The following UXS1 variants were observed in gnomAD, a reference collection of about 807,000 sequenced individuals.
UXS1 encodes the protein UDP-glucuronate decarboxylase 1.
In UXS1, 33 loss-of-function variants were observed where a neutral mutation model predicts 62.6. The ratio of observed to expected loss-of-function variants is 0.53; its 90% CI spans 0.40 to 0.70. The LOEUF is 0.70. Among genes scored for constraint, UXS1 ranks in the 30% least tolerant of loss-of-function variants. The pLI, the probability that UXS1 is intolerant of heterozygous loss-of-function variation, is 0.00. For synonymous variants in UXS1, 213 were observed against 206.8 expected (o/e 1.03, Z -0.26); for missense variants, 434 against 556.3 (o/e 0.78, Z 2.21).
At chr2:106,178,506 A>G (rs1684034302) in intron 1 of UXS1, among the ~76,000 whole-genome samples, 1 of 97,792 alleles carries the variant, frequency 1.0e-5, no homozygotes, top group South Asian at 4.7e-4. Context: ...ATGTGTATGT[A>G]TACATATACA....
chr2:106,180,699 G>A (rs1684187323), intron 1 of UXS1, among the ~76,000 whole-genome samples: 2 of 152,176 alleles, frequency 1.3e-5, no homozygotes, highest in African/African-American at 4.8e-5. Context: ...TGAAATACCA[G>A]AGGATACCAT....
intron 6 of UXS1, among the ~76,000 whole-genome samples, chr2:106,137,493 G>T (rs1168766122): frequency 6.6e-6 from 1 of 152,044 alleles, no homozygotes; most frequent in Non-Finnish European, 1.5e-5. Flanking sequence ...GTGCCAAGTT[G>T]AAAACCAAAT....
intron 1 of UXS1, among the ~76,000 whole-genome samples, chr2:106,191,858 T>C (rs1344984004): frequency 1.3e-5 from 2 of 152,226 alleles, no homozygotes; most frequent in Non-Finnish European, 2.9e-5. Context: ...CTGGCATAGT[T>C]CTCATGCATT....
intron 1 of UXS1, among the ~76,000 whole-genome samples, chr2:106,193,690 C>A (rs1685081718): frequency 6.6e-6 from 1 of 152,208 alleles, no homozygotes; most frequent in South Asian, 2.1e-4. Flanking sequence ...AGCAAACAGT[C>A]GGAGCGGGGG....
chr2:106,173,553 C>CA (rs571505839), intron 1 of UXS1, among the ~76,000 whole-genome samples: 419 of 147,574 alleles, frequency 2.8e-3, no homozygotes, highest in Non-Finnish European at 4.8e-3. Context: ...GACTCTGTCT[C>CA]AAAAAAAAAA....
At chr2:106,102,381 GGAA>G (rs1296826309) in intron 11 of UXS1, 1 of 152,148 alleles carries the variant, frequency 6.6e-6, no homozygotes, top group Non-Finnish European at 1.5e-5. Context: ...TATCTGAGTT[GGAA>G]GAAGGGTGAC....
chr2:106,139,857 G>A (rs760386833), intron 6 of UXS1, among the ~76,000 whole-genome samples: 1 of 152,118 alleles, frequency 6.6e-6, no homozygotes, highest in African/African-American at 2.4e-5. Flanking sequence ...TAACTCACGC[G>A]ATTATTTAGC....
At chr2:106,166,002 T>C in intron 2 of UXS1, 54 bp downstream of exon 2, 2 of 1,556,676 alleles carry the variant, frequency 1.3e-6, no homozygotes, top group Non-Finnish European at 1.8e-6. Context: ...ATGTACCAAC[T>C]GAAATGTGTC....
intron 6 of UXS1, chr2:106,138,556 G>C (rs1680846847): frequency 3.0e-6 from 3 of 985,340 alleles, no homozygotes; most frequent in Non-Finnish European, 3.6e-6. Context: ...ACGGTGCTCT[G>C]GCCCAGGCCA....
chr2:106,145,129 G>A (rs896919536), intron 6 of UXS1, 61 bp downstream of exon 6: 6 of 1,551,062 alleles, frequency 3.9e-6, no homozygotes, highest in Non-Finnish European at 4.4e-6. Context: ...CAGGAATCCC[G>A]CAGCTCTGGC....
chr2:106,168,249 T>C lies in UXS1; in HGVS notation c.95-2166A>G, dbSNP rs558103229. ...TGACTAAAACCCACCAAAACCAAGA[T>C]GGCCACAAGAGTGACCTCTGGCCGT... On this transcript the variant is annotated intron_variant, in intron 1 of 14. Transcript: ENST00000283148. 9.7e-4 allele frequency among the ~76,000 whole-genome samples: 147 copies of C among 152,296 alleles called. 5 individuals are homozygous for C. Among genetic ancestry groups the C allele is most frequent in the Non-Finnish European group, 1.9e-4 (13 of 68,026 alleles).
At chr2:106,147,338 T>C (rs1681657980) in intron 5 of UXS1, among the ~76,000 whole-genome samples, 1 of 152,196 alleles carries the variant, frequency 6.6e-6, no homozygotes, top group Non-Finnish European at 1.5e-5. Context: ...AAACAGGACC[T>C]AGGGTCGTGC....
At chr2:106,138,642 G>C in intron 6 of UXS1, 1 of 985,466 alleles carries the variant, frequency 1.0e-6, no homozygotes, top group Non-Finnish European at 1.2e-6. Context: ...ATCCCCAAAG[G>C]CCATTCCATC....
intron 6 of UXS1, chr2:106,138,520 C>T (rs990901531): frequency 1.0e-6 from 1 of 985,444 alleles, no homozygotes; most frequent in East Asian, 1.1e-4. Flanking sequence ...GCCTGGAAAC[C>T]TTCCATTTAC....
At chr2:106,109,611 A>G (rs1271115878) in intron 10 of UXS1, among the ~76,000 whole-genome samples, 2 of 152,242 alleles carry the variant, frequency 1.3e-5, no homozygotes, top group East Asian at 3.8e-4. Flanking sequence ...TTAGGACAAT[A>G]GCTCTACCTG....
chr2:106,102,253 CTACAT>C (rs1677657805), intron 11 of UXS1: 1 of 152,124 alleles, frequency 6.6e-6, no homozygotes, highest in African/African-American at 2.4e-5. Flanking sequence ...GGCAGTATTG[CTACAT>C]TACAATAGTG....
chr2:106,096,369 A>T (rs766991585), intron 14 of UXS1, among the ~76,000 whole-genome samples: 1 of 152,148 alleles, frequency 6.6e-6, no homozygotes, highest in Non-Finnish European at 1.5e-5. Context: ...ATGACAGTGT[A>T]TATATGACAG....
chr2:106,153,052 G>A (rs1682158869), intron 5 of UXS1, among the ~76,000 whole-genome samples: 3 of 152,200 alleles, frequency 2.0e-5, no homozygotes, highest in Non-Finnish European at 4.4e-5. Flanking sequence ...ATATAAGGGT[G>A]CTCTCAAGAA....
At position 106,104,805 on chromosome 2, in the gene UXS1, G is replaced by C; in HGVS notation, c.912C>G (p.Phe304Leu). 6.2e-7 allele frequency: 1 copy of C among 1,613,986 alleles called. No individual in the cohort carries two copies. Among genetic ancestry groups the C allele is most frequent in the Non-Finnish European group, 8.5e-7 (1 of 1,179,894 alleles). ...CAGGACAGTCTTACCTGACGTACTG[G>C]AACGCCCTTGTCTGAGACCCGGATC... is the stretch of plus-strand genomic sequence containing the variant. ...VYGSGSQTRA[F>L]QYVSDLVNGL... The change falls in exon 11 of 15, where the codon TTC becomes TTG. Residue 304 changes from phenylalanine to leucine, a missense_variant. Phe to Leu is a conservative substitution (Grantham distance 22, BLOSUM62 0). This residue lies in a region of UXS1 where 209 missense variants were observed against 233.3 expected (regional missense o/e 0.90). Transcript: ENST00000283148.
Sources: gnomAD v4.1 joint callset for allele counts (sites outside exome capture counted in the v4.1 genomes callset) on GRCh38, gnomAD v4.1.1 for gene constraint, gnomAD v4.1.1 regional missense constraint, MANE v1.5 for transcripts, NCBI Gene and HGNC (gene_info 2026-07-23, HGNC 2026-07-21) for gene names.